The following DNAAF10 variants were observed in gnomAD, a reference collection of about 807,000 sequenced individuals.
The protein encoded by DNAAF10 is dynein axonemal assembly factor 10, also known as WD repeat domain 92.
In DNAAF10, 28 loss-of-function variants were observed where a neutral mutation model predicts 43.7. That is an observed-to-expected ratio of 0.64 (90% confidence interval 0.48 to 0.88). The LOEUF (loss-of-function observed/expected upper bound fraction) is 0.88, where lower values mean the gene tolerates loss of function less well. Ranked by LOEUF, DNAAF10 falls within the 40% of genes least tolerant of loss-of-function variation. The pLI is 0.00. For synonymous variants in DNAAF10, 156 were observed against 157.3 expected (o/e 0.99, Z 0.06); for missense variants, 403 against 439.1 (o/e 0.92, Z 0.73).
At position 68,137,403 on chromosome 2, in the gene DNAAF10, T is replaced by G. The variant is rs576876325; in HGVS notation, c.664A>C (p.Ile222Leu). ...VCSLEFDRKD[I>L]SMNKLVATSL... The stretch of plus-strand genomic sequence containing the variant: ...GTGGCTACTAACTTATTCATACTTA[T>G]GTCTTTTCTGTCAAACTCCAAGCTA... Residue 222 changes from isoleucine (I) to leucine (L), a missense_variant, in exon 6 of 8, where the codon ATA becomes CTA. Transcript: ENST00000295121. 2 of 1,612,780 alleles carry G rather than the reference T, an allele frequency of 1.2e-6. No individual in the cohort carries two copies. The highest frequency in any genetic ancestry group is 1.7e-6 in the Non-Finnish European group (2 of 1,179,428).
intron 7 of DNAAF10, among the ~76,000 whole-genome samples, chr2:68,133,854 C>T (rs1268937890): frequency 6.6e-6 from 1 of 152,162 alleles, no homozygotes; most frequent in African/African-American, 2.4e-5. Context: ...TTCAGAACCC[C>T]TTCCAGCTTC....
chr2:68,144,563 T>C, intron 3 of DNAAF10, 22 bp downstream of exon 3: 1 of 1,605,932 alleles, frequency 6.2e-7, no homozygotes, highest in Non-Finnish European at 8.5e-7. Context: ...ATAAACAAAA[T>C]ACATAGAATA....
chr2:68,154,720 A>G (rs7587754), intron 1 of DNAAF10, among the ~76,000 whole-genome samples: 8,106 of 152,272 alleles, frequency 0.053, 759 homozygotes, highest in African/African-American at 0.19. Context: ...AAACTACTCT[A>G]TTCCACTTGA....
rs553557166 is a variant in DNAAF10, at chr2:68,135,769, C to T, written c.769-970G>A. On this transcript the variant is annotated intron_variant, in intron 6 of 7. Coordinates refer to ENST00000295121, the MANE Select transcript of DNAAF10 (RefSeq NM_138458.4). The stretch of plus-strand genomic sequence containing the variant: ...CAGTCTCTCAGTGATTAGGTTCAAG[C>T]TGTCGAAACATTTTATTTTGTAGCT... Among the ~76,000 whole-genome samples, 4 of 152,326 alleles carry T rather than the reference C, an allele frequency of 2.6e-5. No homozygotes were observed. In the South Asian group the frequency reaches 8.3e-4, roughly 32 times the overall value.
intron 1 of DNAAF10, among the ~76,000 whole-genome samples, chr2:68,151,734 G>A (rs1332277940): frequency 1.3e-5 from 2 of 152,132 alleles, no homozygotes. Flanking sequence ...CCAGGGTTCT[G>A]ACAAACTGTT....
intron 5 of DNAAF10, 45 bp downstream of exon 5, chr2:68,138,697 G>A (rs1673103841): frequency 1.4e-6 from 2 of 1,387,390 alleles, no homozygotes. Context: ...AGAGGTGAAT[G>A]GAAACATGCT....
intron 7 of DNAAF10, 66 bp from the exon 8 acceptor site, chr2:68,131,511 T>A: frequency 3.9e-5 from 56 of 1,432,770 alleles, no homozygotes; most frequent in Middle Eastern, 1.8e-4. Context: ...TTTTTATACA[T>A]ACACTTCAAT....
intron 1 of DNAAF10, among the ~76,000 whole-genome samples, chr2:68,150,499 G>A (rs960163248): frequency 2.6e-5 from 4 of 152,200 alleles, no homozygotes; most frequent in Non-Finnish European, 5.9e-5. Context: ...TTGGGAGGCT[G>A]AGGCAGGCGG....
intron 1 of DNAAF10, among the ~76,000 whole-genome samples, chr2:68,155,708 A>G (rs1011621508): frequency 4.6e-5 from 7 of 152,018 alleles, no homozygotes; most frequent in Admixed American, 4.6e-4. Flanking sequence ...ACAACAAAAA[A>G]CAAAAACAAC....
chr2:68,151,839 GAC>G (rs1221427824), intron 1 of DNAAF10, among the ~76,000 whole-genome samples: 5 of 152,232 alleles, frequency 3.3e-5, no homozygotes, highest in South Asian at 4.1e-4. Context: ...TTCCAGTCTA[GAC>G]CATCCCTTTT....
chr2:68,131,134 G>A lies in DNAAF10; in HGVS notation c.*104C>T. ...GGGGTTTCACCATGTTAGCCAGGAT[G>A]GTCTCGATCTCCTGACCTTCTGATC... is the stretch of plus-strand genomic sequence containing the variant. On this transcript the variant is annotated 3_prime_UTR_variant, in exon 8 of 8. Coordinates refer to ENST00000295121, the MANE Select transcript of DNAAF10 (RefSeq NM_138458.4). The A allele has an allele frequency of 9.0e-7, 1 of 1,113,796 alleles. No individual in the cohort carries two copies. Among genetic ancestry groups the A allele is most frequent in the African/African-American group, 1.6e-5 (1 of 64,160 alleles). The allele number at this position is 1,113,796 out of a possible 1,614,324, so 69.0% of individuals were successfully genotyped here.
At chr2:68,131,485 A>G in intron 7 of DNAAF10, 40 bp from the exon 8 acceptor site, 1 of 1,592,644 alleles carries the variant, frequency 6.3e-7, no homozygotes, top group Non-Finnish European at 8.6e-7. Flanking sequence ...CATAAATCTT[A>G]GCTTTCACCA....
chr2:68,150,089 T>G (rs775273197), intron 1 of DNAAF10, among the ~76,000 whole-genome samples: 1 of 152,200 alleles, frequency 6.6e-6, no homozygotes, highest in African/African-American at 2.4e-5. Context: ...AAACCTCTGA[T>G]GAGGGTTTCT....
At chr2:68,138,090 G>C (rs1376139317) in intron 5 of DNAAF10, among the ~76,000 whole-genome samples, 2 of 151,686 alleles carry the variant, frequency 1.3e-5, no homozygotes, top group East Asian at 1.9e-4. Context: ...CAGGAGAATG[G>C]CATGAACCTG....
At position 68,137,436 on chromosome 2, in the gene DNAAF10, G is replaced by A. The variant is rs1269176300; in HGVS notation, c.634-3C>T. 25 of 1,606,142 alleles carry A rather than the reference G, an allele frequency of 1.6e-5. No homozygotes were observed. Among genetic ancestry groups the A allele is most frequent in the Non-Finnish European group, 2.1e-5 (25 of 1,176,520 alleles). On this transcript the variant is annotated splice_region_variant and splice_polypyrimidine_tract_variant and intron_variant, in intron 5 of 7. Transcript: ENST00000295121. Reference sequence around the variant, plus strand: ...CTGTCAAACTCCAAGCTACACACCTGAAAACAGAGAATACTTATTATTGGT... The same window carrying A: ...CTGTCAAACTCCAAGCTACACACCTAAAAACAGAGAATACTTATTATTGGT...
chr2:68,141,548 G>T, intron 4 of DNAAF10, 146 bp downstream of exon 4: 4 of 680,454 alleles, frequency 5.9e-6, no homozygotes, highest in Non-Finnish European at 9.2e-6. Context: ...CCCAGAGGCT[G>T]ACATTAACCA....
Position 68,137,322 on chromosome 2 carries a change from C to T in DNAAF10, c.745G>A (p.Gly249Ser). The change falls in exon 6 of 8, where the codon GGT (glycine) becomes AGT (serine). Residue 249 changes from glycine to serine, a missense_variant. Coordinates refer to ENST00000295121, the MANE Select transcript of DNAAF10 (RefSeq NM_138458.4). ...FDMRTQHPTK[G>S]FASVSEKAHK... ...ACCTTTTCTGAAACAGAGGCAAAAC[C>T]TTTGGTTGGATGCTGTGTTCTCATG... is the stretch of plus-strand genomic sequence containing the variant. The T allele has an allele frequency of 6.2e-7, 1 of 1,611,272 alleles. No individual in the cohort carries two copies. The highest frequency in any genetic ancestry group is 8.5e-7 in the Non-Finnish European group (1 of 1,178,910).
intron 4 of DNAAF10, 129 bp from the exon 5 acceptor site, chr2:68,138,986 T>C (rs764893292): frequency 6.3e-5 from 42 of 665,152 alleles, no homozygotes; most frequent in Non-Finnish European, 1.0e-4. Flanking sequence ...CTGGGTAGTA[T>C]CCCATCTTAC....
chr2:68,141,934 G>A, intron 3 of DNAAF10, 139 bp from the exon 4 acceptor site: 1 of 696,134 alleles, frequency 1.4e-6, no homozygotes, highest in Admixed American at 2.6e-5. Flanking sequence ...ACATTGTTCT[G>A]ACTTCTAATT....
Sources: allele counts gnomAD v4.1 joint callset (sites outside exome capture counted in the v4.1 genomes callset), GRCh38; gene constraint gnomAD v4.1.1; transcripts MANE v1.5; gene names NCBI Gene and HGNC (gene_info 2026-07-23, HGNC 2026-07-21).